DTNA: variants seen among roughly 807,000 people sequenced by gnomAD.
The protein encoded by DTNA is dystrophin-related protein 3.
DTNA carries 43 observed loss-of-function variants against 100.7 expected under a neutral mutation model. That is an observed-to-expected ratio of 0.43 (90% CI 0.33 to 0.55). The LOEUF is 0.55. DTNA is among the 20% of genes least tolerant of loss of function. The pLI is 0.04. For synonymous variants in DTNA, 349 were observed against 347.9 expected (o/e 1.00, Z -0.04); for missense variants, 798 against 953.9 (o/e 0.84, Z 2.15).
chr18:34,550,012 T>C (rs183666850), intron 1 of DTNA, among the ~76,000 whole-genome samples: 44 of 152,248 alleles, frequency 2.9e-4, no homozygotes, highest in Admixed American at 1.6e-3. Context: ...AAGTTCCTTA[T>C]TAAAGAAATG....
chr18:34,865,904 A>G (rs1394349388), intron 17 of DTNA, among the ~76,000 whole-genome samples: 1 of 152,230 alleles, frequency 6.6e-6, no homozygotes, highest in African/African-American at 2.4e-5. Context: ...TGTGTTGAAA[A>G]ATGGTTGTAC....
intron 1 of DTNA, among the ~76,000 whole-genome samples, chr18:34,584,100 A>G (rs12963475): frequency 0.11 from 16,042 of 152,190 alleles, 1,244 homozygotes; most frequent in African/African-American, 0.21. Context: ...CTTCCCAGGC[A>G]GAACATTGGA....
intron 1 of DTNA, among the ~76,000 whole-genome samples, chr18:34,751,483 T>G (rs1354085631): frequency 6.6e-6 from 1 of 152,188 alleles, no homozygotes; most frequent in Non-Finnish European, 1.5e-5. Context: ...CGTCTAAACA[T>G]GACAAGGATG....
At chr18:34,523,648 C>T (rs1198103448) in intron 1 of DTNA, among the ~76,000 whole-genome samples, 2 of 152,104 alleles carry the variant, frequency 1.3e-5, no homozygotes, top group Non-Finnish European at 2.9e-5. Context: ...CTCTCCATAA[C>T]CTTGTGAGGT....
intron 11 of DTNA, among the ~76,000 whole-genome samples, chr18:34,833,191 C>T (rs548788589): frequency 2.0e-5 from 3 of 152,194 alleles, no homozygotes; most frequent in African/African-American, 7.2e-5. Flanking sequence ...TATAGTAACT[C>T]AACATTAGCA....
intron 1 of DTNA, among the ~76,000 whole-genome samples, chr18:34,749,072 T>G (rs116901957): frequency 6.6e-6 from 1 of 152,158 alleles, no homozygotes; most frequent in African/African-American, 2.4e-5. Flanking sequence ...TTTATTTTAT[T>G]TGCAGCTGTT....
At chr18:34,846,625 G>A (rs1460366542) in intron 13 of DTNA, among the ~76,000 whole-genome samples, 1 of 151,944 alleles carries the variant, frequency 6.6e-6, no homozygotes, top group Non-Finnish European at 1.5e-5. Flanking sequence ...GTAGGCTAGA[G>A]CAGAGATAAT....
chr18:34,685,332 G>T (rs970152004), intron 1 of DTNA, among the ~76,000 whole-genome samples: 3 of 152,200 alleles, frequency 2.0e-5, no homozygotes, highest in East Asian at 3.9e-4. Context: ...GTAAGGAAAG[G>T]GTCCAGTTTC....
chr18:34,595,707 G>A (rs1024242410), intron 1 of DTNA, among the ~76,000 whole-genome samples: 2 of 152,152 alleles, frequency 1.3e-5, no homozygotes, highest in Admixed American at 6.6e-5. Context: ...CTCTATGCTG[G>A]AAATGTATTT....
chr18:34,702,166 C>A (rs2081469083), intron 1 of DTNA, among the ~76,000 whole-genome samples: 1 of 152,144 alleles, frequency 6.6e-6, no homozygotes, highest in South Asian at 2.1e-4. Flanking sequence ...TACTCACGGA[C>A]TCGGGTCTCC....
chr18:34,866,808 G>A, intron 17 of DTNA: 1 of 998,844 alleles, frequency 1.0e-6, no homozygotes, highest in Non-Finnish European at 1.2e-6. Context: ...TTTTTAAAAA[G>A]TAACTCTCAG....
intron 4 of DTNA, among the ~76,000 whole-genome samples, chr18:34,795,574 G>A (rs548205681): frequency 2.7e-4 from 41 of 152,304 alleles, no homozygotes; most frequent in African/African-American, 9.9e-4. Flanking sequence ...TGGCATTTCT[G>A]TAGTGGCATT....
intron 1 of DTNA, among the ~76,000 whole-genome samples, chr18:34,623,074 C>T (rs1014084493): frequency 6.6e-6 from 1 of 152,114 alleles, no homozygotes; most frequent in Non-Finnish European, 1.5e-5. Context: ...CCTGGGATAA[C>T]AAACATGCTG....
At position 34,723,340 on chromosome 18, in the gene DTNA, T is replaced by G. The variant is rs115430831; in HGVS notation, c.-2+12895T>G. Among the ~76,000 whole-genome samples, 1,146 of 152,302 alleles carry G rather than the reference T, an allele frequency of 7.5e-3. 16 individuals are homozygous for G. The highest frequency in any genetic ancestry group is 0.027 in the African/African-American group (1,108 of 41,566). On this transcript the variant is annotated intron_variant, in intron 1 of 22. Coordinates refer to ENST00000444659, the MANE Select transcript of DTNA (RefSeq NM_001386795.1). ...TTAAACACTATAGTGCCACATCCTG[T>G]GTACTTAACCACTGTTCAGTGGTGC...
intron 5 of DTNA, 96 bp downstream of exon 5, chr18:34,806,400 C>A: frequency 2.0e-6 from 2 of 1,017,636 alleles, no homozygotes; most frequent in African/African-American, 1.6e-5. Context: ...CCATTTGTAT[C>A]TTTCCTCATT....
At chr18:34,706,480 A>G (rs1018037635), upstream of DTNA, among the ~76,000 whole-genome samples, 18 of 152,152 alleles carry the variant, frequency 1.2e-4, no homozygotes, top group Admixed American at 2.0e-4. Context: ...GAATATAAGT[A>G]TATAATTATA....
chr18:34,788,295 A>G (rs1317030261), intron 3 of DTNA, among the ~76,000 whole-genome samples: 1 of 152,234 alleles, frequency 6.6e-6, no homozygotes, highest in East Asian at 1.9e-4. Flanking sequence ...CAGTGTCACT[A>G]TTTAAATAAA....
chr18:34,533,598 A>G (rs924330898), intron 1 of DTNA, among the ~76,000 whole-genome samples: 1 of 152,082 alleles, frequency 6.6e-6, no homozygotes, highest in African/African-American at 2.4e-5. Flanking sequence ...GAAGTGTTGT[A>G]ATTGAGTAAC....
chr18:34,562,058 C>A (rs1203065578), intron 1 of DTNA, among the ~76,000 whole-genome samples: 9 of 152,070 alleles, frequency 5.9e-5, no homozygotes, highest in African/African-American at 2.2e-4. Flanking sequence ...ATACTAGAGA[C>A]TGTGGTAAAG....
Sources: gnomAD v4.1 joint callset for allele counts (sites outside exome capture counted in the v4.1 genomes callset) on GRCh38, gnomAD v4.1.1 for gene constraint, MANE v1.5 for transcripts, NCBI Gene and HGNC (gene_info 2026-07-23, HGNC 2026-07-21) for gene names.